RABGEF1: variants seen among roughly 807,000 people sequenced by gnomAD.
RABGEF1 encodes RAB guanine nucleotide exchange factor 1.
In RABGEF1, 26 loss-of-function variants were observed where a neutral mutation model predicts 57.3. The observed-to-expected ratio is 0.45, with a 90% CI of 0.33 to 0.63. RABGEF1 has a LOEUF of 0.63. Ranked by LOEUF, RABGEF1 falls within the 20% of genes least tolerant of loss-of-function variation. The pLI is 0.02. For missense variants in RABGEF1, 464 were observed against 607.6 expected (o/e 0.76, Z 2.48); for synonymous variants, 185 against 210.7 (o/e 0.88, Z 1.06).
At chr7:66,660,310 T>C in the RABGEF1 span, among the ~76,000 whole-genome samples, 3 of 144,072 alleles carry the variant, frequency 2.1e-5, no homozygotes, top group Non-Finnish European at 4.5e-5. Flanking sequence ...ATTGTGCCAC[T>C]ACACTCCAGC....
intron 1 of RABGEF1, among the ~76,000 whole-genome samples, chr7:66,763,320 C>T (rs566202909): frequency 1.8e-4 from 27 of 152,320 alleles, no homozygotes; most frequent in Admixed American, 1.0e-3. Context: ...CAGATGCACT[C>T]GTGTTGGCAG....
rs559521832 is a variant in RABGEF1, at chr7:66,751,230, C to T, written c.-18+10438C>T. ...ATTTTTAGTAGAGACGGGGTTTCAC[C>T]GTGTTAGCCAGGCTGGTCTCGATCT... On this transcript the variant is annotated intron_variant, in intron 1 of 8. Transcript: ENST00000284957. Among the ~76,000 whole-genome samples, 5 of 152,232 alleles carry T rather than the reference C, an allele frequency of 3.3e-5. No individual in the cohort carries two copies. In the South Asian group the frequency reaches 6.2e-4, roughly 19 times the overall value.
At chr7:66,803,805 C>T (rs950313768) in intron 7 of RABGEF1, among the ~76,000 whole-genome samples, 1 of 151,490 alleles carries the variant, frequency 6.6e-6, no homozygotes, top group Non-Finnish European at 1.5e-5. Context: ...AGGAGAATCG[C>T]TTGAACCCGG....
intron 1 of RABGEF1, among the ~76,000 whole-genome samples, chr7:66,760,405 A>AGAT (rs1411934305): frequency 6.7e-6 from 1 of 148,594 alleles, no homozygotes; most frequent in Non-Finnish European, 1.5e-5. Flanking sequence ...ACCATCCCAT[A>AGAT]GATGTTTATT....
chr7:66,683,640 G>A (rs1790130880), intron 1 of RABGEF1, among the ~76,000 whole-genome samples: 1 of 152,158 alleles, frequency 6.6e-6, no homozygotes, highest in African/African-American at 2.4e-5. Context: ...CATGTGTCTT[G>A]AAGAATGAGT....
intron 1 of RABGEF1, among the ~76,000 whole-genome samples, chr7:66,705,991 T>C (rs1794024883): frequency 6.9e-6 from 1 of 145,782 alleles, no homozygotes; most frequent in Non-Finnish European, 1.5e-5. Flanking sequence ...CAAGCTCCGC[T>C]TCCCGGGTTC....
At position 66,787,366 on chromosome 7, in the gene RABGEF1, T is replaced by TA. The variant is rs772132665; in HGVS notation, c.513+3526dup. On this transcript the variant is annotated intron_variant, in intron 4 of 8. Transcript: ENST00000284957. Reference sequence around the variant, plus strand: ...TTTTTTTTTTTTTTTTTTTTTAAGATAGAGTCTTGCTCTGTTGCCCAGGCT... The same window carrying TA: ...TTTTTTTTTTTTTTTTTTTTTAAGATAAGAGTCTTGCTCTGTTGCCCAGGCT... Among the ~76,000 whole-genome samples the TA allele has an allele frequency of 5.2e-4, 61 of 117,482 alleles. No homozygotes were observed. The East Asian group carries it at 0.013, about 25-fold the overall frequency. The allele number at this position is 117,482 out of a possible 152,430, so 77.1% of individuals were successfully genotyped here.
upstream of RABGEF1, among the ~76,000 whole-genome samples, chr7:66,739,282 G>A (rs1390792007): frequency 6.6e-6 from 1 of 151,826 alleles, no homozygotes; most frequent in African/African-American, 2.4e-5. Flanking sequence ...TGTACCCTCA[G>A]CGTAGCACAC....
chr7:66,806,145 T>C lies in RABGEF1; in HGVS notation c.1077+749T>C, dbSNP rs191731560. 4.3e-4 allele frequency among the ~76,000 whole-genome samples: 66 copies of C among 152,198 alleles called. No individual in the cohort carries two copies. In the East Asian group the frequency reaches 9.5e-3, roughly 22 times the overall value. On this transcript the variant is annotated intron_variant, in intron 8 of 8. Transcript: ENST00000284957. ...TGGAGACTTGGGGCAGCGTATGGAC[T>C]TGGTTTTCTGTGTTGAGAGCCTGGG...
At chr7:66,713,144 C>CTTTTTTTTTT (rs575223946) in intron 2 of RABGEF1, among the ~76,000 whole-genome samples, 1 of 137,892 alleles carries the variant, frequency 7.3e-6, no homozygotes, top group Admixed American at 7.4e-5. Context: ...CTTTTCTTTT[C>CTTTTTTTTTT]TTTTTTTTTT....
intron 7 of RABGEF1, among the ~76,000 whole-genome samples, chr7:66,804,821 GATCT>G (rs1788081722): frequency 6.6e-6 from 1 of 151,290 alleles, no homozygotes; most frequent in Non-Finnish European, 1.5e-5. Context: ...CTGTCTGTAT[GATCT>G]TGGGCAAATC....
At chr7:66,731,139 A>G (rs1285677564) in intron 2 of RABGEF1, among the ~76,000 whole-genome samples, 1 of 152,132 alleles carries the variant, frequency 6.6e-6, no homozygotes, top group Non-Finnish European at 1.5e-5. Flanking sequence ...TGGGCCAGGT[A>G]AGGGGAAGGT....
At chr7:66,715,161 TC>T (rs927292313) in intron 2 of RABGEF1, among the ~76,000 whole-genome samples, 1 of 151,984 alleles carries the variant, frequency 6.6e-6, no homozygotes, top group African/African-American at 2.4e-5. Context: ...AGGGTCTCAC[TC>T]TATCACCTAG....
intron 1 of RABGEF1, among the ~76,000 whole-genome samples, chr7:66,756,353 C>T (rs1802714469): frequency 6.6e-6 from 1 of 152,104 alleles, no homozygotes; most frequent in Non-Finnish European, 1.5e-5. Flanking sequence ...ATGGTATAGC[C>T]TTTTTGTCAG....
At chr7:66,658,241 T>A in the RABGEF1 span, among the ~76,000 whole-genome samples, 4 of 152,084 alleles carry the variant, frequency 2.6e-5, no homozygotes, top group Admixed American at 2.6e-4. Context: ...ATAAAAAATA[T>A]GGGTAAACCA....
At position 66,721,976 on chromosome 7, in the gene RABGEF1, A is replaced by AC. The variant is rs200489206; in HGVS notation, c.-815+9759dup. ...AGACCAGCCTGGACAATATAGTGAG[A>AC]CCCCCCCTCCGTCTTTTCAAAAAAT... On this transcript the variant is annotated intron_variant and NMD_transcript_variant, in intron 2 of 9. Transcript: ENST00000607882. Among the ~76,000 whole-genome samples the AC allele has an allele frequency of 7.1e-3, 1,074 of 151,456 alleles. 10 individuals are homozygous for AC. The highest frequency in any genetic ancestry group is 0.022 in the African/African-American group (907 of 41,238).
At chr7:66,712,447 T>C (rs1471554530) in intron 2 of RABGEF1, among the ~76,000 whole-genome samples, 2 of 152,224 alleles carry the variant, frequency 1.3e-5, no homozygotes, top group African/African-American at 4.8e-5. Flanking sequence ...TTTATAGTTT[T>C]AAATATTTTT....
chr7:66,761,623 C>T (rs1269928178), intron 1 of RABGEF1, among the ~76,000 whole-genome samples: 2 of 152,092 alleles, frequency 1.3e-5, no homozygotes, highest in East Asian at 1.9e-4. Flanking sequence ...AGCATTCGTC[C>T]CTCAGAGTAC....
intron 2 of RABGEF1, among the ~76,000 whole-genome samples, chr7:66,717,844 G>A (rs1795581187): frequency 1.3e-5 from 2 of 152,084 alleles, no homozygotes; most frequent in South Asian, 4.2e-4. Flanking sequence ...ACAGGCTTGA[G>A]CCACCAGATA....
Sources: gnomAD v4.1 joint callset for allele counts (sites outside exome capture counted in the v4.1 genomes callset) on GRCh38, gnomAD v4.1.1 for gene constraint, MANE v1.5 for transcripts, NCBI Gene and HGNC (gene_info 2026-07-23, HGNC 2026-07-21) for gene names.